The following RECQL5 variants were observed in gnomAD, a reference collection of about 807,000 sequenced individuals.
The protein encoded by RECQL5 is ATP-dependent DNA helicase Q5.
A neutral mutation model predicts 103.4 loss-of-function variants in RECQL5; 88 were observed. The observed-to-expected ratio is 0.85, with a 90% confidence interval of 0.72 to 1.02. RECQL5 has a LOEUF of 1.02. Ranked by LOEUF, RECQL5 falls within the 50% of genes least tolerant of loss-of-function variation. The probability of loss-of-function intolerance (pLI) is 0.00; values close to 1 mark genes in which losing one functional copy is unlikely to be tolerated. For synonymous variants in RECQL5, 552 were observed against 507.9 expected (o/e 1.09, Z -1.17); for missense variants, 1,232 against 1,284.3 (o/e 0.96, Z 0.62).
At chr17:75,660,160 G>T (rs1021449650) in intron 6 of RECQL5, among the ~76,000 whole-genome samples, 1 of 152,056 alleles carries the variant, frequency 6.6e-6, no homozygotes, top group African/African-American at 2.4e-5. Context: ...TCCGCCTCCC[G>T]GGCTCAAGCA....
At position 75,631,457 on chromosome 17, in the gene RECQL5, A is replaced by T. The variant is rs753645586; in HGVS notation, c.1441T>A (p.Phe481Ile). Residue 481 changes from phenylalanine (F) to isoleucine (I), a missense_variant, in exon 9 of 20, where the codon TTC becomes ATC. Transcript: ENST00000317905. ...YEGGRKGYGDFSRYDEGSGGS... is the reference protein window; with the variant it reads ...YEGGRKGYGDISRYDEGSGGS... The stretch of plus-strand genomic sequence containing the variant: ...GGCTTCTCGGCCCCTTACCTGCTGA[A>T]GTCCCCGTAGCCCTTGCGGCCTCCC... 12 of 1,607,058 alleles carry T rather than the reference A, an allele frequency of 7.5e-6. 1 individual carries two copies. In the East Asian group the frequency reaches 2.7e-4, roughly 36 times the overall value.
intron 17 of RECQL5, 106 bp from the exon 18 acceptor site, chr17:75,628,548 G>A: frequency 2.6e-6 from 4 of 1,513,740 alleles, no homozygotes; most frequent in Non-Finnish European, 2.7e-6. Flanking sequence ...CTCCAGCCCA[G>A]CCCATCTGCT....
At chr17:75,664,706 A>T (rs2059743925) in intron 3 of RECQL5, among the ~76,000 whole-genome samples, 1 of 152,050 alleles carries the variant, frequency 6.6e-6, no homozygotes, top group African/African-American at 2.4e-5. Context: ...TGAGGTCAGG[A>T]GTTTGAGACC....
In RECQL5 at chr17:75,633,539, G is replaced by A. The variant is rs1232399079; in HGVS notation, c.1230-1871C>T. On this transcript the variant is annotated intron_variant, in intron 8 of 19. Coordinates refer to ENST00000317905, the MANE Select transcript of RECQL5 (RefSeq NM_004259.7). Reference sequence around the variant, plus strand: ...AGGATTCCAAGTTCTCCCCCAAGACGCCTTCAGATGCTGAGCGGCACAAGG... The same window carrying A: ...AGGATTCCAAGTTCTCCCCCAAGACACCTTCAGATGCTGAGCGGCACAAGG... The A allele has an allele frequency of 6.2e-6, 8 of 1,284,486 alleles. No individual in the cohort carries two copies. In the South Asian group the frequency reaches 8.7e-5, roughly 14 times the overall value. The allele number at this position is 1,284,486 out of a possible 1,614,324, so 79.6% of individuals were successfully genotyped here. A position where few individuals can be genotyped will look rare whatever the true frequency, so the allele number is the denominator to read the frequency against.
rs2059411940 is a variant in RECQL5, at chr17:75,640,316, A to G, written c.1230-8648T>C. The G allele has an allele frequency of 6.5e-7, 1 of 1,548,990 alleles. No individual in the cohort carries two copies. Among genetic ancestry groups the G allele is most frequent in the South Asian group, 1.2e-5 (1 of 83,804 alleles). On this transcript the variant is annotated intron_variant, in intron 8 of 19. Coordinates refer to ENST00000317905, the MANE Select transcript of RECQL5 (RefSeq NM_004259.7). The surrounding 1 kb of genome is among the most constrained non-coding windows in gnomAD (Gnocchi z 4.6). ...GGAGATCGTGGCCTTCTCAGTCATCATCCTTTTCACAGGTTAGTTGGGGCA... is the reference window on the plus strand; with the variant it reads ...GGAGATCGTGGCCTTCTCAGTCATCGTCCTTTTCACAGGTTAGTTGGGGCA...
chr17:75,627,739 G>A (rs372256914), intron 18 of RECQL5, 47 bp from the exon 19 acceptor site: 3 of 1,540,948 alleles, frequency 1.9e-6, no homozygotes. Flanking sequence ...ACCCTTGGTG[G>A]CCGGGCGCAG....
At chr17:75,666,249 G>C (rs980137382) in intron 2 of RECQL5, among the ~76,000 whole-genome samples, 179 bp downstream of exon 2, 3 of 152,070 alleles carry the variant, frequency 2.0e-5, no homozygotes, top group Admixed American at 6.6e-5. Context: ...AACATGCCAA[G>C]ACCCCATCTC....
At chr17:75,663,042 T>G in intron 3 of RECQL5, 45 bp from the exon 4 acceptor site, 1 of 1,529,102 alleles carries the variant, frequency 6.5e-7, no homozygotes, top group Non-Finnish European at 8.8e-7. Context: ...AGGACTCAGG[T>G]AAACATCACT....
chr17:75,650,987 C>T (rs1165775057), intron 8 of RECQL5, 199 bp downstream of exon 8: 14 of 1,501,332 alleles, frequency 9.3e-6, no homozygotes, highest in Non-Finnish European at 1.2e-5. Flanking sequence ...AGCAAATCCC[C>T]ACACTGCGAG....
intron 7 of RECQL5, among the ~76,000 whole-genome samples, chr17:75,651,882 G>T (rs1361253246): frequency 6.6e-6 from 1 of 152,148 alleles, no homozygotes; most frequent in African/African-American, 2.4e-5. Flanking sequence ...ATATACTTCT[G>T]TGTATATTGG....
At position 75,631,440 on chromosome 17, in the gene RECQL5, G is replaced by T. The variant is rs997720225; in HGVS notation, c.1448+10C>A. The T allele has an allele frequency of 3.1e-6, 5 of 1,603,272 alleles. No individual in the cohort carries two copies. The African/African-American group carries it at 6.7e-5, about 21-fold the overall frequency. On this transcript the variant is annotated intron_variant, in intron 9 of 19. Transcript: ENST00000317905. ...CAGCGGGTTGGAGCCCTGGCTTCTCGGCCCCTTACCTGCTGAAGTCCCCGT... is the reference window on the plus strand; with the variant it reads ...CAGCGGGTTGGAGCCCTGGCTTCTCTGCCCCTTACCTGCTGAAGTCCCCGT...
chr17:75,666,386 T>C lies in RECQL5; in HGVS notation c.130+42A>G, dbSNP rs900335888. The C allele has an allele frequency of 3.1e-6, 5 of 1,611,556 alleles. No homozygotes were observed. The African/African-American group carries it at 5.3e-5, about 17-fold the overall frequency. ...GGTGTTCTGCCGCAGCGTTATGGTATAGCCAGCATAAATTTAAAGGAAGGT... is the reference window on the plus strand; with the variant it reads ...GGTGTTCTGCCGCAGCGTTATGGTACAGCCAGCATAAATTTAAAGGAAGGT... On this transcript the variant is annotated intron_variant, in intron 2 of 19. Coordinates refer to ENST00000317905, the MANE Select transcript of RECQL5 (RefSeq NM_004259.7).
At chr17:75,651,511 C>A (rs1378659440) in intron 7 of RECQL5, among the ~76,000 whole-genome samples, 1 of 152,144 alleles carries the variant, frequency 6.6e-6, no homozygotes, top group Non-Finnish European at 1.5e-5. Flanking sequence ...GTAGTCCCAG[C>A]TACTTGGGAG....
chr17:75,629,281 C>T lies in RECQL5; in HGVS notation c.2142G>A (p.Gly714=), dbSNP rs548113104. Residue 714 remains glycine, a synonymous_variant, in exon 16 of 20, where the codon GGG becomes GGA. Transcript: ENST00000317905. ...DGSEPLPGPR[G]EVPGGSAHYG... ...AGTGAGCGCTGCCTCCAGGGACCTC[C>T]CCTCTGGGCCCAGGGAGGGGCTCAC... 2.1e-5 allele frequency: 33 copies of T among 1,596,734 alleles called. No homozygotes were observed. The South Asian group carries it at 3.2e-4, about 16-fold the overall frequency.
intron 8 of RECQL5, chr17:75,638,223 C>CCTGT (rs1599010822): frequency 6.6e-6 from 1 of 152,164 alleles, no homozygotes; most frequent in Non-Finnish European, 1.5e-5. Flanking sequence ...GTGGCTCACA[C>CCTGT]CTGTAATCCC....
chr17:75,633,758 ACAGGCTCAGGTGGAGCCTCCC>A, intron 8 of RECQL5: 1 of 1,036,980 alleles, frequency 9.6e-7, no homozygotes, highest in Non-Finnish European at 1.2e-6. Flanking sequence ...ACTCCCCTCC[ACAGGCTCAGGTGGAGCCTCCC>A]CAGGGTCCTC....
chr17:75,666,720 G>T, intron 1 of RECQL5, 149 bp from the exon 2 acceptor site: 1 of 719,748 alleles, frequency 1.4e-6, no homozygotes, highest in Non-Finnish European at 2.3e-6. Flanking sequence ...AAGGTGAACT[G>T]CCTCAAGCAA....
chr17:75,629,611 G>C, intron 15 of RECQL5, 97 bp downstream of exon 15: 2 of 1,513,488 alleles, frequency 1.3e-6, no homozygotes, highest in Non-Finnish European at 1.8e-6. Context: ...GACCCTGGTG[G>C]GGAGCCAGGC....
rs2059655470 is a variant in RECQL5, at chr17:75,658,406, A to T, written c.1041T>A (p.Ser347=). 1 of 1,614,146 alleles carries T rather than the reference A, an allele frequency of 6.2e-7. No individual in the cohort carries two copies. The highest frequency in any genetic ancestry group is 1.3e-5 in the African/African-American group (1 of 75,052). Residue 347 remains serine (S), a synonymous_variant, in exon 7 of 20, where the codon TCT becomes TCA. Coordinates refer to ENST00000317905, the MANE Select transcript of RECQL5 (RefSeq NM_004259.7). ...AKSMAGYYQE[S]GRAGRDGKPS... is the part of the protein sequence containing the mutation. ...GCTTCCCATCCCTGCCAGCCCGGCC[A>T]GACTCCTGGTAGTACCCAGCCATAG... is the stretch of plus-strand genomic sequence containing the variant.
Sources: gnomAD v4.1 joint callset for allele counts (sites outside exome capture counted in the v4.1 genomes callset) on GRCh38, gnomAD v4.1.1 for gene constraint, Gnocchi (gnomAD v3.1) non-coding constraint, MANE v1.5 for transcripts, NCBI Gene and HGNC (gene_info 2026-07-23, HGNC 2026-07-21) for gene names.